CRISP3: variants seen among roughly 807,000 people sequenced by gnomAD.
The protein encoded by CRISP3 is cysteine-rich secretory protein 3.
In CRISP3, 33 loss-of-function variants were observed where a neutral mutation model predicts 36.1. That is an observed-to-expected ratio of 0.91 (90% CI 0.69 to 1.22). The LOEUF (loss-of-function observed/expected upper bound fraction) is 1.22, where lower values mean the gene tolerates loss of function less well. CRISP3 is among the 50% of genes most tolerant of loss of function. The probability of loss-of-function intolerance (pLI) is 0.00; values close to 1 mark genes in which losing one functional copy is unlikely to be tolerated. For missense variants in CRISP3, 330 were observed against 301.2 expected, an observed-to-expected ratio of 1.10 and a Z score of -0.71; for synonymous variants, 117 against 104.6, an observed-to-expected ratio of 1.12 and a Z score of -0.72.
At chr6:49,742,586 T>C (rs1769233371) in intron 1 of CRISP3, among the ~76,000 whole-genome samples, 1 of 130,720 alleles carries the variant, frequency 7.6e-6, no homozygotes, top group South Asian at 2.3e-4. Flanking sequence ...GAGCCGAGAG[T>C]GTGCCACTGC....
intron 1 of CRISP3, among the ~76,000 whole-genome samples, chr6:49,741,140 A>C (rs1369618763): frequency 9.3e-6 from 1 of 107,994 alleles, no homozygotes; most frequent in East Asian, 2.3e-4. Flanking sequence ...AAACAAACAA[A>C]AAAAAACCAC....
chr6:49,739,840 T>TA (rs1769154588), intron 1 of CRISP3, among the ~76,000 whole-genome samples: 1 of 152,252 alleles, frequency 6.6e-6, no homozygotes, highest in Non-Finnish European at 1.5e-5. Context: ...CATTATTTTC[T>TA]ACTATTCCTT....
At chr6:49,728,971 A>T (rs923444979) in intron 7 of CRISP3, 114 bp from the exon 8 acceptor site, 1 of 937,150 alleles carries the variant, frequency 1.1e-6, no homozygotes. Flanking sequence ...ACAAGTTGAG[A>T]TTATTACACT....
rs1768960680 is a variant in CRISP3, at chr6:49,733,279, G to T, written c.476C>A (p.Ser159Tyr). Residue 159 changes from serine to tyrosine, a missense_variant, in exon 6 of 8, where the codon TCT becomes TAT. By Grantham distance (144) the Ser-to-Tyr change is moderately radical. Coordinates refer to ENST00000263045, the MANE Select transcript of CRISP3 (RefSeq NM_006061.4). ...VGHYTQVVWY[S>Y]SYLVGCGNAY... ...ATTTCCACATCCAACGAGGTATGAA[G>T]AGTACCAAACAACCTATAAACCAAT... The T allele has an allele frequency of 6.2e-7, 1 of 1,608,168 alleles. No homozygotes were observed. The highest frequency in any genetic ancestry group is 1.3e-5 in the African/African-American group (1 of 74,628).
rs1246678446 is a variant in CRISP3 at position 49,733,566 on chromosome 6, A to G, written c.462+137T>C. On this transcript the variant is annotated intron_variant, in intron 5 of 7. Coordinates refer to ENST00000263045, the MANE Select transcript of CRISP3 (RefSeq NM_006061.4). ...TGAAAAATGACAGTTCACAGCTGAA[A>G]TACTCACCAAATGCCAGACTATTCT... 7.1e-6 allele frequency: 6 copies of G among 846,114 alleles called. No homozygotes were observed. The African/African-American group carries it at 8.5e-5, about 12-fold the overall frequency. 52.4% of individuals were successfully genotyped at this position (846,114 alleles called of 1,614,324 possible).
At chr6:49,741,582 TACGTCATTAAATTC>T (rs1335112623) in intron 1 of CRISP3, among the ~76,000 whole-genome samples, 16 of 147,124 alleles carry the variant, frequency 1.1e-4, no homozygotes, top group African/African-American at 3.7e-4. Context: ...TGACAAAAAA[TACGTCATTAAATTC>T]AACCCCTGTA....
chr6:49,734,817 T>C (rs1284123641), intron 4 of CRISP3, among the ~76,000 whole-genome samples: 2 of 152,148 alleles, frequency 1.3e-5, no homozygotes, highest in East Asian at 1.9e-4. Context: ...GATAATTTAA[T>C]AAGTATTTTA....
At chr6:49,731,056 CT>C (rs1768904287) in intron 7 of CRISP3, 106 bp downstream of exon 7, 2 of 761,636 alleles carry the variant, frequency 2.6e-6, no homozygotes, top group Admixed American at 2.9e-5. Context: ...CCTTTTTGTC[CT>C]TTGCATGAAG....
At chr6:49,740,575 ATGTG>A (rs35601509) in intron 1 of CRISP3, among the ~76,000 whole-genome samples, 5,538 of 141,362 alleles carry the variant, frequency 0.039, 240 homozygotes, top group African/African-American at 0.11. Context: ...GTGTATATGG[ATGTG>A]TGTGTGTGTG....
At position 49,737,317 on chromosome 6, in the gene CRISP3, A is replaced by G. The variant is rs770963236; in HGVS notation, c.111+8T>C. The stretch of plus-strand genomic sequence containing the variant: ...AATTTTTCTGAAGATTTTTGACTTC[A>G]ACCATACCTTATCTTCATTTGCTGG... On this transcript the variant is annotated splice_region_variant and intron_variant, in intron 2 of 7. Coordinates refer to ENST00000263045, the MANE Select transcript of CRISP3 (RefSeq NM_006061.4). The G allele has an allele frequency of 4.8e-5, 77 of 1,612,950 alleles. No homozygotes were observed. The highest frequency in any genetic ancestry group is 6.4e-5 in the Non-Finnish European group (76 of 1,179,156).
At position 49,733,766 on chromosome 6, in the gene CRISP3, G is replaced by C. The variant is rs1212290577; in HGVS notation, c.399C>G (p.Tyr133Ter). The C allele has an allele frequency of 1.9e-6, 3 of 1,613,716 alleles. No homozygotes were observed. The South Asian group carries it at 3.3e-5, about 18-fold the overall frequency. ...GCCCTACACCAAAGTCAAAATCATT[G>C]TACTCATCAAACCAGCTTTGGATTG... is the stretch of plus-strand genomic sequence containing the variant. ...SQAIQSWFDE[Y>*]NDFDFGVGPK... The change falls in exon 5 of 8, where the codon TAC becomes TAG. Residue 133 changes from tyrosine to a stop codon, truncating the protein, a stop_gained. Coordinates refer to ENST00000263045, the MANE Select transcript of CRISP3 (RefSeq NM_006061.4). LOFTEE classifies it high-confidence loss of function.
chr6:49,727,894 G>A lies in CRISP3; in HGVS notation c.*836C>T, dbSNP rs935185230. The A allele has an allele frequency of 2.0e-5, 3 of 152,020 alleles. No homozygotes were observed. Among genetic ancestry groups the A allele is most frequent in the African/African-American group, 4.8e-5 (2 of 41,406 alleles). The allele number at this position is 152,020 out of a possible 1,614,324, so 9.4% of individuals were successfully genotyped here. The stretch of plus-strand genomic sequence containing the variant: ...TTAATTTTGATCACTTGGTGAAGAC[G>A]TCATTTGTCATTTTTCTCCCCTGTA... On this transcript the variant is annotated 3_prime_UTR_variant, in exon 8 of 8. Coordinates refer to ENST00000263045, the MANE Select transcript of CRISP3 (RefSeq NM_006061.4).
intron 6 of CRISP3, among the ~76,000 whole-genome samples, chr6:49,731,595 G>A (rs1045155661): frequency 6.6e-6 from 1 of 152,128 alleles, no homozygotes; most frequent in Non-Finnish European, 1.5e-5. Context: ...GTGCTGGCAA[G>A]GGGTAAAACA....
rs1007002913 is a variant in CRISP3, at chr6:49,733,303, A to G, written c.463-11T>C. 7.2e-6 allele frequency: 11 copies of G among 1,534,442 alleles called. No homozygotes were observed. The highest frequency in any genetic ancestry group is 1.2e-5 in the South Asian group (1 of 85,630). On this transcript the variant is annotated splice_polypyrimidine_tract_variant and intron_variant, in intron 5 of 7. Transcript: ENST00000263045. ...AGAGTACCAAACAACCTATAAACCA[A>G]TAAGTGAAGATATGAGAGCACATTA...
At chr6:49,742,934 A>G (rs1294607445) in intron 1 of CRISP3, among the ~76,000 whole-genome samples, 2 of 152,212 alleles carry the variant, frequency 1.3e-5, no homozygotes, top group African/African-American at 4.8e-5. Flanking sequence ...TGTGTGCACT[A>G]TAGGTATAGA....
intron 7 of CRISP3, among the ~76,000 whole-genome samples, chr6:49,730,326 T>C (rs1253384305): frequency 1.3e-5 from 2 of 152,080 alleles, no homozygotes; most frequent in Non-Finnish European, 2.9e-5. Context: ...TGATTTTGAC[T>C]TTAAAAATGT....
intron 4 of CRISP3, among the ~76,000 whole-genome samples, 186 bp from the exon 5 acceptor site, chr6:49,734,034 A>T (rs781500082): frequency 1.3e-5 from 2 of 152,208 alleles, no homozygotes; most frequent in African/African-American, 2.4e-5. Flanking sequence ...CTATAAGCTG[A>T]ATAGAAGCCA....
At chr6:49,737,573 C>G in intron 1 of CRISP3, 175 bp from the exon 2 acceptor site, 1 of 679,058 alleles carries the variant, frequency 1.5e-6, no homozygotes, top group African/African-American at 1.8e-5. Context: ...ATTCAGCTTT[C>G]AAAGTATGCA....
At chr6:49,735,932 A>G (rs1769040199) in intron 3 of CRISP3, among the ~76,000 whole-genome samples, 1 of 152,132 alleles carries the variant, frequency 6.6e-6, no homozygotes, top group South Asian at 2.1e-4. Context: ...CCAACAATGA[A>G]GTAATTAGCT....
Sources: gnomAD v4.1 joint callset for allele counts (sites outside exome capture counted in the v4.1 genomes callset) on GRCh38, gnomAD v4.1.1 for gene constraint, MANE v1.5 for transcripts, NCBI Gene and HGNC (gene_info 2026-07-23, HGNC 2026-07-21) for gene names.